Variants in NDRG4 observed in about 807,000 individuals in gnomAD.
NDRG4 encodes NDRG family member 4, also known as protein NDRG4.
Under a neutral mutation model 55.8 loss-of-function variants are expected in NDRG4, and 38 were observed. The ratio of observed to expected loss-of-function variants is 0.68; its 90% CI spans 0.53 to 0.89. The LOEUF is 0.89. NDRG4 is among the 40% of genes least tolerant of loss of function. The pLI, the probability that NDRG4 is intolerant of heterozygous loss-of-function variation, is 0.00. For synonymous variants in NDRG4, 190 were observed against 182.7 expected (o/e 1.04, Z -0.32); for missense variants, 455 against 468.6 (o/e 0.97, Z 0.27).
chr16:58,500,324 T>C (rs951518004), intron 1 of NDRG4, 55 bp downstream of exon 1: 21 of 1,528,240 alleles, frequency 1.4e-5, no homozygotes, highest in Non-Finnish European at 1.7e-5. Flanking sequence ...TGCATCCTTA[T>C]GACCCACCGC....
upstream of NDRG4, among the ~76,000 whole-genome samples, chr16:58,497,796 G>C (rs1472696244): frequency 1.3e-5 from 2 of 152,160 alleles, no homozygotes; most frequent in African/African-American, 4.8e-5. Flanking sequence ...CAACAATTTG[G>C]AGAGGCACAC....
At chr16:58,514,767 G>GA (rs60036706), downstream of NDRG4, among the ~76,000 whole-genome samples, 710 of 131,132 alleles carry the variant, frequency 5.4e-3, 3 homozygotes, top group Non-Finnish European at 8.4e-3. Context: ...AAAAAAAAAG[G>GA]AAAAAAAAAA....
chr16:58,485,083 C>T (rs1248401883), intron 1 of NDRG4, among the ~76,000 whole-genome samples: 1 of 152,022 alleles, frequency 6.6e-6, no homozygotes, highest in Non-Finnish European at 1.5e-5. Flanking sequence ...GGGGTTTCAC[C>T]AGGTTAGCCA....
At chr16:58,511,180 C>T (rs1439339567) in intron 14 of NDRG4, 3 of 540,910 alleles carry the variant, frequency 5.5e-6, no homozygotes, top group Non-Finnish European at 6.6e-6. Flanking sequence ...AAACCCAGCA[C>T]CTCCCTGCAC....
chr16:58,485,211 G>A lies in NDRG4; in HGVS notation c.-23-2545G>A, dbSNP rs569775056. ...AACTTTCTTTAGAAGAAACTTCTCT[G>A]CCACCGTGCTGTGGAAATGTCTGCT... On this transcript the variant is annotated intron_variant, in intron 1 of 15. Coordinates refer to the NDRG4 transcript ENST00000258187. Among the ~76,000 whole-genome samples, 51 of 152,262 alleles carry A rather than the reference G, an allele frequency of 3.3e-4. No homozygotes were observed. In the South Asian group the frequency reaches 0.01, roughly 30 times the overall value.
In NDRG4 at chr16:58,488,720, G is replaced by GCCAGGGAT. The variant is rs955133011; in HGVS notation, c.72+882_72+889dup. ...AGCCAGGATTGGAACTGTGCAGCCA[G>GCCAGGGAT]CCAGGGATCCAGGGATCCAACCACA... On this transcript the variant is annotated intron_variant, in intron 2 of 15. Transcript: ENST00000258187. Among the ~76,000 whole-genome samples, 3 of 152,124 alleles carry GCCAGGGAT rather than the reference G, an allele frequency of 2.0e-5. No individual in the cohort carries two copies. In the South Asian group the frequency reaches 6.2e-4, roughly 32 times the overall value.
At chr16:58,503,662 G>C (rs1355699079) in intron 1 of NDRG4, 136 bp from the exon 2 acceptor site, 4 of 1,525,384 alleles carry the variant, frequency 2.6e-6, no homozygotes, top group Non-Finnish European at 3.5e-6. Context: ...GGGGCTTCTT[G>C]GGGTGATGAG....
At chr16:58,491,734 A>G (rs949412286) in intron 2 of NDRG4, among the ~76,000 whole-genome samples, 4 of 152,190 alleles carry the variant, frequency 2.6e-5, no homozygotes, top group African/African-American at 7.2e-5. Flanking sequence ...TGCTGGGATT[A>G]CAGGCATGAT....
At position 58,494,765 on chromosome 16, in the gene NDRG4, G is replaced by A. The variant is rs557713752; in HGVS notation, c.73-199G>A. On this transcript the variant is annotated intron_variant, in intron 2 of 15. Coordinates refer to the NDRG4 transcript ENST00000258187. The stretch of plus-strand genomic sequence containing the variant: ...GAGGATCATTTGAACCCAGGAGTTG[G>A]AGGATACAGTGAGCTGTGATTGCAC... 3.4e-4 allele frequency among the ~76,000 whole-genome samples: 52 copies of A among 151,750 alleles called. No individual in the cohort carries two copies. In the South Asian group the frequency reaches 4.0e-3, roughly 12 times the overall value.
rs977306251 is a variant in NDRG4 at position 58,471,457 on chromosome 16, G to A, written c.-24+7660G>A. 9.2e-5 allele frequency among the ~76,000 whole-genome samples: 14 copies of A among 152,100 alleles called. 1 individual carries two copies. The highest frequency in any genetic ancestry group is 3.4e-4 in the African/African-American group (14 of 41,486). On this transcript the variant is annotated intron_variant, in intron 1 of 15. Transcript: ENST00000258187. ...GTGACCTTGAACTGAGCCTGGCTTT[G>A]CCCCCAGGGTAGTTGCGGGATCAGC... is the stretch of plus-strand genomic sequence containing the variant.
intron 1 of NDRG4, among the ~76,000 whole-genome samples, chr16:58,479,671 C>T (rs768331489): frequency 2.6e-5 from 4 of 152,190 alleles, no homozygotes; most frequent in Non-Finnish European, 5.9e-5. Flanking sequence ...CGTTCATTTA[C>T]TTACATGATT....
At chr16:58,471,583 GAGCCAGGAA>G (rs200248027) in intron 1 of NDRG4, among the ~76,000 whole-genome samples, 4,198 of 152,256 alleles carry the variant, frequency 0.028, 82 homozygotes, top group Non-Finnish European at 0.043. Flanking sequence ...TGGTCTCACA[GAGCCAGGAA>G]AGCTGTCATC....
Position 58,464,336 on chromosome 16 carries a change from G to C in NDRG4, c.-24+539G>C. 8.6e-7 allele frequency: 1 copy of C among 1,156,600 alleles called. No homozygotes were observed. Among genetic ancestry groups the C allele is most frequent in the Non-Finnish European group, 1.1e-6 (1 of 888,882 alleles). The allele number at this position is 1,156,600 out of a possible 1,614,324, so 71.6% of individuals were successfully genotyped here. On this transcript the variant is annotated intron_variant, in intron 1 of 15. Coordinates refer to the NDRG4 transcript ENST00000258187. This position sits in a 1 kb window ranked among gnomAD's most constrained non-coding sequence, Gnocchi z 4.8. ...CCGCTTCGCTCCGCGCTCTCCTGCC[G>C]CTCCGCTCCGGGTCTCCCGCGCTCC...
chr16:58,472,761 C>T (rs1288069314), intron 1 of NDRG4, among the ~76,000 whole-genome samples: 1 of 152,142 alleles, frequency 6.6e-6, no homozygotes, highest in South Asian at 2.1e-4. Flanking sequence ...CCCTTCCTCG[C>T]AAGGGCAGTG....
Position 58,512,394 on chromosome 16 carries a change from G to A in NDRG4, c.*818G>A, listed in dbSNP as rs185115670. 12 of 248,678 alleles carry A rather than the reference G, an allele frequency of 4.8e-5. No homozygotes were observed. Among genetic ancestry groups the A allele is most frequent in the Admixed American group, 3.1e-4 (6 of 19,056 alleles). 15.4% of individuals were successfully genotyped at this position (248,678 alleles called of 1,614,324 possible). The stretch of plus-strand genomic sequence containing the variant: ...TGGTGTGTGTGCCCCTGAGAACTTC[G>A]TGGTGACTGCCTTTGGGAGCCCGCA... On this transcript the variant is annotated 3_prime_UTR_variant, in exon 15 of 15. Coordinates refer to ENST00000570248, the MANE Select transcript of NDRG4 (RefSeq NM_001242835.2).
intron 5 of NDRG4, chr16:58,506,103 ATATAT>A: frequency 1.7e-6 from 1 of 585,998 alleles, no homozygotes; most frequent in African/African-American, 1.9e-5. Flanking sequence ...CACTTCAAAA[ATATAT>A]TAAGAGCTGA....
intron 1 of NDRG4, among the ~76,000 whole-genome samples, chr16:58,485,345 C>T (rs1788421126): frequency 6.6e-6 from 1 of 152,140 alleles, no homozygotes; most frequent in Non-Finnish European, 1.5e-5. Flanking sequence ...TCTCTCTGCC[C>T]CCTTCCCCGC....
rs1259424114 is a variant in NDRG4, at chr16:58,507,077, C to G, written c.620+62C>G. On this transcript the variant is annotated intron_variant, in intron 8 of 14. Transcript: ENST00000570248. ...CCCCAGTGGGGGCCCTTGCACACTG[C>G]CCCCTGAGGGAGGCAGGCAGACAAC... 5 of 1,304,792 alleles carry G rather than the reference C, an allele frequency of 3.8e-6. No homozygotes were observed. In the African/African-American group the frequency reaches 5.8e-5, roughly 15 times the overall value. 80.8% of individuals were successfully genotyped at this position (1,304,792 alleles called of 1,614,324 possible). A position where few individuals can be genotyped will look rare whatever the true frequency, so the allele number is the denominator to read the frequency against.
At position 58,511,651 on chromosome 16, in the gene NDRG4, TTTATTTTTGTGAGGGCAAA is replaced by T; in HGVS notation, c.*76_*94del. The T allele has an allele frequency of 6.3e-7, 1 of 1,586,196 alleles. No homozygotes were observed. Among genetic ancestry groups the T allele is most frequent in the Non-Finnish European group, 8.6e-7 (1 of 1,156,256 alleles). ...TTGCGCCGGCTCATGTTCCCTTTAG[TTTATTTTTGTGAGGGCAAA>T]GGGGAGGAAATGGGGTTCTGTTTGA... On this transcript the variant is annotated 3_prime_UTR_variant, in exon 15 of 15. Coordinates refer to ENST00000570248, the MANE Select transcript of NDRG4 (RefSeq NM_001242835.2).
Sources: allele counts gnomAD v4.1 joint callset (sites outside exome capture counted in the v4.1 genomes callset), GRCh38; gene constraint gnomAD v4.1.1; non-coding constraint Gnocchi (gnomAD v3.1); transcripts MANE v1.5; gene names NCBI Gene and HGNC (gene_info 2026-07-23, HGNC 2026-07-21).